Variants in ZNF813 observed in about 807,000 individuals in gnomAD.
ZNF813 encodes zinc finger protein 813.
ZNF813 carries 3 observed loss-of-function variants against 7.2 expected under a neutral mutation model. That is an observed-to-expected ratio of 0.42 (90% CI 0.19 to 1.08). ZNF813 has a LOEUF of 1.08. Among genes scored for constraint, ZNF813 ranks in the 50% least tolerant of loss-of-function variants. The probability of loss-of-function intolerance (pLI) is 0.30; values close to 1 mark genes in which losing one functional copy is unlikely to be tolerated. For synonymous variants in ZNF813, 227 were observed against 256.3 expected (o/e 0.89, Z 1.09); for missense variants, 714 against 753.3 (o/e 0.95, Z 0.61).
intron 3 of ZNF813, 151 bp from the exon 4 acceptor site, chr19:53,490,224 T>A (rs2086452543): frequency 2.2e-6 from 2 of 922,772 alleles, no homozygotes; most frequent in African/African-American, 3.4e-5. Context: ...GCCCTTTATC[T>A]AATAAAGAAT....
At chr19:53,484,778 C>A (rs2086424692) in intron 2 of ZNF813, among the ~76,000 whole-genome samples, 1 of 152,212 alleles carries the variant, frequency 6.6e-6, no homozygotes, top group Non-Finnish European at 1.5e-5. Context: ...GTTGGCCAGG[C>A]TGGTCTCAAA....
Position 53,491,656 on chromosome 19 carries a change from C to T in ZNF813, c.1424C>T (p.Thr475Met), listed in dbSNP as rs1371371649. ...TACAAGTGTAATGAGTGTGGCAAGACGTTCAGTCGAATTTCAGCCCTCGTA... is the reference window on the plus strand; with the variant it reads ...TACAAGTGTAATGAGTGTGGCAAGATGTTCAGTCGAATTTCAGCCCTCGTA... ...KRYKCNECGK[T>M]FSRISALVIH... The change falls in exon 4 of 4, where the codon ACG becomes ATG. Residue 475 changes from threonine (T) to methionine (M), a missense_variant. By Grantham distance (81) the Thr-to-Met change is moderately conservative (BLOSUM62 -1). Transcript: ENST00000396403. 41 of 1,613,792 alleles carry T rather than the reference C, an allele frequency of 2.5e-5. No homozygotes were observed. Among genetic ancestry groups the T allele is most frequent in the Non-Finnish European group, 3.3e-5 (39 of 1,179,860 alleles).
intron 1 of ZNF813, chr19:53,480,215 C>T (rs762169196): frequency 1.9e-5 from 14 of 756,032 alleles, no homozygotes; most frequent in East Asian, 5.0e-5. Context: ...TTTCTCCTCT[C>T]ACCACCCCCT....
In ZNF813 at chr19:53,474,012, A is replaced by G. The variant is rs76476822; in HGVS notation, c.-74+6223A>G. Among the ~76,000 whole-genome samples the G allele has an allele frequency of 9.4e-3, 1,433 of 152,262 alleles. 26 individuals are homozygous for G. The highest frequency in any genetic ancestry group is 0.032 in the African/African-American group (1,342 of 41,548). ...ACTTTCCGGCCAATAGGCTATGTGT[A>G]ACTTCTATTTTATTTTTAGCAGTCT... On this transcript the variant is annotated intron_variant, in intron 1 of 3. Coordinates refer to ENST00000396403, the MANE Select transcript of ZNF813 (RefSeq NM_001004301.4).
At position 53,490,676 on chromosome 19, in the gene ZNF813, G is replaced by A; in HGVS notation, c.444G>A (p.Leu148=). The A allele has an allele frequency of 6.2e-7, 1 of 1,614,136 alleles. No individual in the cohort carries two copies. The highest frequency in any genetic ancestry group is 8.5e-7 in the Non-Finnish European group (1 of 1,180,020). Residue 148 remains leucine, a synonymous_variant, in exon 4 of 4, where the codon CTG becomes CTA. Transcript: ENST00000396403. ...TTGGATCAAGCTTTCATTCGCATCT[G>A]CCTGAACTCCACATGTTTCAGACCC... ...DQLGSSFHSH[L]PELHMFQTQG... is the part of the protein sequence containing the mutation.
chr19:53,490,375 A>G lies in ZNF813; in HGVS notation c.143A>G (p.Asp48Gly). The G allele has an allele frequency of 2.5e-6, 4 of 1,613,982 alleles. No homozygotes were observed. The highest frequency in any genetic ancestry group is 1.1e-5 in the South Asian group (1 of 91,016). Residue 48 changes from aspartate (D) to glycine (G), a missense_variant and splice_region_variant, in exon 4 of 4, where the codon GAT (aspartate) becomes GGT (glycine). Asp to Gly is a moderately conservative substitution (Grantham distance 94). Transcript: ENST00000396403. ...ACCTATTCGTGTTTATATTTTGTAGATATCTCTTCCAAATGCATGATGAAG... is the reference window on the plus strand; with the variant it reads ...ACCTATTCGTGTTTATATTTTGTAGGTATCTCTTCCAAATGCATGATGAAG... The part of the protein sequence containing the change: ...LENYRNLVSL[D>G]ISSKCMMKEF...
intron 2 of ZNF813, among the ~76,000 whole-genome samples, chr19:53,485,606 A>ACATGTATG (rs879562411): frequency 0.052 from 7,846 of 151,298 alleles, 226 homozygotes; most frequent in East Asian, 0.099. Context: ...CATGATATAT[A>ACATGTATG]TCGTGATATA....
intron 1 of ZNF813, among the ~76,000 whole-genome samples, chr19:53,469,946 T>C (rs2086348793): frequency 6.7e-6 from 1 of 149,930 alleles, no homozygotes; most frequent in Non-Finnish European, 1.5e-5. Context: ...TCAGTGGATT[T>C]ACATCTAAAA....
chr19:53,473,720 G>A (rs752028079), intron 1 of ZNF813, among the ~76,000 whole-genome samples: 63 of 152,288 alleles, frequency 4.1e-4, no homozygotes, highest in African/African-American at 1.5e-3. Context: ...TCAGTTATGG[G>A]CTTCTTGCAT....
rs376495955 is a variant in ZNF813 at position 53,491,671 on chromosome 19, C to T, written c.1439C>T (p.Ser480Leu). 2 of 1,613,890 alleles carry T rather than the reference C, an allele frequency of 1.2e-6. No individual in the cohort carries two copies. The highest frequency in any genetic ancestry group is 1.7e-6 in the Non-Finnish European group (2 of 1,179,880). The part of the protein sequence containing the change: ...NECGKTFSRI[S>L]ALVIHTAIHT... ...TGTGGCAAGACGTTCAGTCGAATTT[C>T]AGCCCTCGTAATTCATACGGCAATT... The change falls in exon 4 of 4, where the codon TCA becomes TTA. Residue 480 changes from serine (S) to leucine (L), a missense_variant. By Grantham distance (145) the Ser-to-Leu change is moderately radical. Transcript: ENST00000396403.
chr19:53,477,915 A>G (rs562611829), intron 1 of ZNF813, among the ~76,000 whole-genome samples: 2 of 152,256 alleles, frequency 1.3e-5, no homozygotes, highest in African/African-American at 2.4e-5. Flanking sequence ...TGTGTATATA[A>G]TCTAATAACT....
chr19:53,491,255 CCTTA>C lies in ZNF813; in HGVS notation c.1025_1028del (p.Leu342HisfsTer54), dbSNP rs753635344. 19 of 1,614,028 alleles carry C rather than the reference CCTTA, an allele frequency of 1.2e-5. No homozygotes were observed. The highest frequency in any genetic ancestry group is 1.4e-5 in the Non-Finnish European group (17 of 1,180,014). On this transcript the variant is annotated frameshift_variant, in exon 4 of 4. Coordinates refer to ENST00000396403, the MANE Select transcript of ZNF813 (RefSeq NM_001004301.4). LOFTEE classifies it low-confidence loss of function (END_TRUNC). ...GCAAGACCTTTAGTCAGACGTCATCCCTTACATGCCATCGTAGACTTCATACTGG... is the reference window on the plus strand; with the variant it reads ...GCAAGACCTTTAGTCAGACGTCATCCCATGCCATCGTAGACTTCATACTGG...
intron 1 of ZNF813, among the ~76,000 whole-genome samples, chr19:53,483,178 A>G (rs1258367023): frequency 4.0e-5 from 6 of 150,442 alleles, no homozygotes; most frequent in Non-Finnish European, 4.4e-5. Flanking sequence ...CCAGAGTGCT[A>G]GTATTACAGG....
chr19:53,473,748 G>A (rs1372682029), intron 1 of ZNF813, among the ~76,000 whole-genome samples: 1 of 152,160 alleles, frequency 6.6e-6, no homozygotes, highest in Non-Finnish European at 1.5e-5. Context: ...ATTAAAGCCT[G>A]CATTTGTTTT....
chr19:53,484,284 G>A (rs2708796), intron 2 of ZNF813, among the ~76,000 whole-genome samples: 27,599 of 152,046 alleles, frequency 0.18, 2,886 homozygotes, highest in African/African-American at 0.3. Context: ...TGATTTTATA[G>A]TACATTTTTA....
In ZNF813 at chr19:53,486,703, G is replaced by A; in HGVS notation, c.87G>A (p.Gln29=). The part of the protein sequence containing the change: ...QEEWKCLDPA[Q]RTLYRDVMLE... ...AGTGGAAATGCCTGGACCCTGCTCA[G>A]AGGACTCTATACAGGGACGTGATGC... Residue 29 remains glutamine (Q), a synonymous_variant, in exon 3 of 4, where the codon CAG becomes CAA. Coordinates refer to ENST00000396403, the MANE Select transcript of ZNF813 (RefSeq NM_001004301.4). 6.2e-7 allele frequency: 1 copy of A among 1,614,138 alleles called. No individual in the cohort carries two copies. The highest frequency in any genetic ancestry group is 8.5e-7 in the Non-Finnish European group (1 of 1,179,972).
chr19:53,486,664 A>G lies in ZNF813; in HGVS notation c.48A>G (p.Glu16=). 6.2e-7 allele frequency: 1 copy of G among 1,614,094 alleles called. No homozygotes were observed. The highest frequency in any genetic ancestry group is 2.2e-5 in the East Asian group (1 of 44,872). Reference sequence around the variant, plus strand: ...TGACATTCAGGGATGTGGCCATAGAATTCTCTCAGGAGGAGTGGAAATGCC... The same window carrying G: ...TGACATTCAGGGATGTGGCCATAGAGTTCTCTCAGGAGGAGTGGAAATGCC... ...GLLTFRDVAI[E]FSQEEWKCLD... is the part of the protein sequence containing the mutation. Residue 16 remains glutamate (E), a synonymous_variant, in exon 3 of 4, where the codon GAA becomes GAG. Transcript: ENST00000396403.
chr19:53,487,432 G>A (rs10405917), intron 3 of ZNF813, among the ~76,000 whole-genome samples: 11,415 of 151,994 alleles, frequency 0.075, 465 homozygotes, highest in East Asian at 0.12. Flanking sequence ...TTATGATGGA[G>A]TCTCACTCTG....
chr19:53,469,091 A>G (rs554535413), intron 1 of ZNF813, among the ~76,000 whole-genome samples: 139 of 152,324 alleles, frequency 9.1e-4, no homozygotes, highest in African/African-American at 2.9e-3. Flanking sequence ...TTTACCAAGC[A>G]TACTGCCTGC....
Sources: gnomAD v4.1 joint callset for allele counts (sites outside exome capture counted in the v4.1 genomes callset) on GRCh38, gnomAD v4.1.1 for gene constraint, MANE v1.5 for transcripts, NCBI Gene and HGNC (gene_info 2026-07-23, HGNC 2026-07-21) for gene names.